Variants in PTPRD observed in about 807,000 individuals in gnomAD.
The protein encoded by PTPRD is protein tyrosine phosphatase receptor type D, also known as receptor-type tyrosine-protein phosphatase delta.
In PTPRD, 34 loss-of-function variants were observed where a neutral mutation model predicts 214.5. The ratio of observed to expected loss-of-function variants is 0.16; its 90% confidence interval spans 0.12 to 0.21. The LOEUF (loss-of-function observed/expected upper bound fraction) is 0.21. PTPRD is among the 10% of genes least tolerant of loss of function. PTPRD has a pLI of 1.00. For missense variants in PTPRD, 2,545 were observed against 2,398.7 expected (o/e 1.06, Z -1.27); for synonymous variants, 1,128 against 845.7 (o/e 1.33, Z -5.79).
intron 2 of PTPRD, among the ~76,000 whole-genome samples, chr9:10,428,311 G>A (rs1390169521): frequency 6.6e-6 from 1 of 151,584 alleles, no homozygotes; most frequent in Non-Finnish European, 1.5e-5. Flanking sequence ...TGTCTTGGGG[G>A]AAAAAAAATC....
chr9:8,983,420 G>C lies in PTPRD; in HGVS notation c.-104+35277C>G, dbSNP rs1049411084. ...TTATGTTTTCCTGTAGTAATAGCAA[G>C]AGTCTCAACCCGAGTTAGTGTTCAA... On this transcript the variant is annotated intron_variant, in intron 11 of 45. Coordinates refer to ENST00000381196, the MANE Select transcript of PTPRD (RefSeq NM_002839.4). Among the ~76,000 whole-genome samples the C allele has an allele frequency of 3.3e-5, 5 of 152,048 alleles. No homozygotes were observed. In the South Asian group the frequency reaches 6.2e-4, roughly 19 times the overall value.
chr9:9,179,934 T>C (rs1257550815), intron 10 of PTPRD, among the ~76,000 whole-genome samples: 1 of 152,106 alleles, frequency 6.6e-6, no homozygotes, highest in African/African-American at 2.4e-5. Context: ...CAATATGTTT[T>C]GCACATAATA....
At chr9:9,896,681 T>C (rs1214299325) in intron 5 of PTPRD, among the ~76,000 whole-genome samples, 1 of 152,044 alleles carries the variant, frequency 6.6e-6, no homozygotes, top group Non-Finnish European at 1.5e-5. Flanking sequence ...AACTGACTCA[T>C]GGATTACAAA....
intron 2 of PTPRD, among the ~76,000 whole-genome samples, chr9:10,421,431 G>A (rs530567692): frequency 1.3e-5 from 2 of 152,004 alleles, no homozygotes; most frequent in East Asian, 3.9e-4. Context: ...GAAGAGATAT[G>A]AATTATACTT....
chr9:10,450,112 G>T (rs12682810), intron 2 of PTPRD, among the ~76,000 whole-genome samples: 4 of 151,570 alleles, frequency 2.6e-5, no homozygotes, highest in African/African-American at 7.3e-5. Context: ...GCGGAAGGCC[G>T]CAGGGTCCTC....
intron 2 of PTPRD, among the ~76,000 whole-genome samples, chr9:10,535,160 T>C (rs1431764431): frequency 6.6e-6 from 1 of 152,108 alleles, no homozygotes; most frequent in Non-Finnish European, 1.5e-5. Flanking sequence ...ATATGTTTTA[T>C]AAACCCCAAG....
intron 5 of PTPRD, among the ~76,000 whole-genome samples, chr9:9,841,494 T>G (rs1266670344): frequency 6.6e-6 from 1 of 152,084 alleles, no homozygotes; most frequent in Non-Finnish European, 1.5e-5. Context: ...TGACAAAAAG[T>G]AGGAGTACAA....
At chr9:8,834,178 A>G (rs2097361943) in intron 11 of PTPRD, among the ~76,000 whole-genome samples, 1 of 152,138 alleles carries the variant, frequency 6.6e-6, no homozygotes, top group African/African-American at 2.4e-5. Flanking sequence ...GTTGAATTCA[A>G]TAGTTCAAGG....
intron 30 of PTPRD, among the ~76,000 whole-genome samples, chr9:8,480,518 G>A (rs1232883792): frequency 6.6e-6 from 1 of 152,072 alleles, no homozygotes; most frequent in Non-Finnish European, 1.5e-5. Flanking sequence ...ACACACTGTC[G>A]CTACTGAATC....
intron 3 of PTPRD, among the ~76,000 whole-genome samples, chr9:10,253,149 T>C (rs1415925980): frequency 1.3e-5 from 2 of 152,102 alleles, no homozygotes; most frequent in Non-Finnish European, 2.9e-5. Flanking sequence ...ACAGTTAAAT[T>C]TGATGATTAA....
chr9:8,389,472 G>T, intron 36 of PTPRD, 65 bp from the exon 37 acceptor site: 3 of 1,264,468 alleles, frequency 2.4e-6, no homozygotes, highest in South Asian at 2.9e-5. Context: ...CCTGGGACAT[G>T]ACCTAATGGC....
At chr9:8,716,387 G>C (rs1251355573) in intron 12 of PTPRD, among the ~76,000 whole-genome samples, 1 of 152,170 alleles carries the variant, frequency 6.6e-6, no homozygotes, top group Non-Finnish European at 1.5e-5. Flanking sequence ...TAAGATACTA[G>C]GTAATAGAAT....
chr9:10,246,444 A>G (rs539464745), intron 3 of PTPRD, among the ~76,000 whole-genome samples: 3 of 152,118 alleles, frequency 2.0e-5, no homozygotes, highest in African/African-American at 4.8e-5. Context: ...GGTTTTCACC[A>G]TGTTGGCCAG....
At chr9:9,852,315 C>T (rs1599767084) in intron 5 of PTPRD, among the ~76,000 whole-genome samples, 1 of 151,900 alleles carries the variant, frequency 6.6e-6, no homozygotes, top group East Asian at 1.9e-4. Flanking sequence ...TTCTGTAGGC[C>T]AAGACATTGA....
At chr9:10,187,445 ATTTAC>A (rs1333347018) in intron 3 of PTPRD, among the ~76,000 whole-genome samples, 2 of 152,138 alleles carry the variant, frequency 1.3e-5, no homozygotes, top group East Asian at 3.9e-4. Flanking sequence ...CTCAACAAAA[ATTTAC>A]TTTACAGTTT....
intron 7 of PTPRD, among the ~76,000 whole-genome samples, chr9:9,692,983 G>C (rs2097302093): frequency 6.6e-6 from 1 of 151,900 alleles, no homozygotes; most frequent in African/African-American, 2.4e-5. Flanking sequence ...TGTAACCTGA[G>C]AGTTTGCTGA....
At chr9:8,639,322 T>C (rs1383024970) in intron 12 of PTPRD, among the ~76,000 whole-genome samples, 1 of 152,246 alleles carries the variant, frequency 6.6e-6, no homozygotes, top group East Asian at 1.9e-4. Flanking sequence ...AAATTATAAT[T>C]ATGCAATTAA....
chr9:9,222,997 T>A (rs1378659806), intron 9 of PTPRD, among the ~76,000 whole-genome samples: 1 of 152,060 alleles, frequency 6.6e-6, no homozygotes. Flanking sequence ...AAACTATGAC[T>A]TTTTCTTACT....
chr9:9,841,867 A>G (rs1455939920), intron 5 of PTPRD, among the ~76,000 whole-genome samples: 1 of 152,148 alleles, frequency 6.6e-6, no homozygotes, highest in Non-Finnish European at 1.5e-5. Flanking sequence ...GTAAAATCTT[A>G]AGAAATATCT....
Sources: gnomAD v4.1 joint callset for allele counts (sites outside exome capture counted in the v4.1 genomes callset) on GRCh38, gnomAD v4.1.1 for gene constraint, MANE v1.5 for transcripts, NCBI Gene and HGNC (gene_info 2026-07-23, HGNC 2026-07-21) for gene names.